The following MYH7 variants were observed in gnomAD, a reference collection of about 807,000 sequenced individuals.
MYH7 encodes the protein myosin heavy chain 7.
Under a neutral mutation model 225.4 loss-of-function variants are expected in MYH7, and 129 were observed. The observed-to-expected ratio is 0.57, with a 90% confidence interval of 0.50 to 0.66. MYH7 has a LOEUF of 0.66. Ranked by LOEUF, MYH7 falls within the 30% of genes least tolerant of loss-of-function variation. The pLI is 0.00. For missense variants in MYH7, 1,649 were observed against 2,517.0 expected, an observed-to-expected ratio of 0.66 and a Z score of 7.38; for synonymous variants, 971 against 1,007.6, an observed-to-expected ratio of 0.96 and a Z score of 0.69.
intron 39 of MYH7, 116 bp downstream of exon 39, chr14:23,413,643 G>A: frequency 7.0e-7 from 1 of 1,421,744 alleles, no homozygotes. Context: ...GGCCTCTGGG[G>A]CCATGTGGCT....
chr14:23,416,829 C>A, intron 33 of MYH7, 39 bp downstream of exon 33: 1 of 1,613,644 alleles, frequency 6.2e-7, no homozygotes, highest in Non-Finnish European at 8.5e-7. Context: ...AAGCCTGGAG[C>A]TCAGCTCCCT....
chr14:23,420,255 C>A, intron 26 of MYH7, 21 bp from the exon 27 acceptor site: 2 of 1,608,130 alleles, frequency 1.2e-6, no homozygotes, highest in Non-Finnish European at 1.7e-6. Flanking sequence ...ACAAAGGGCT[C>A]AGACCCACCG....
At chr14:23,422,903 A>T (rs547708263) in intron 24 of MYH7, among the ~76,000 whole-genome samples, 1 of 152,198 alleles carries the variant, frequency 6.6e-6, no homozygotes, top group Non-Finnish European at 1.5e-5. Flanking sequence ...TGCTGGGATT[A>T]CAGGTGTGAG....
intron 12 of MYH7, 101 bp from the exon 13 acceptor site, chr14:23,429,448 G>T: frequency 8.3e-7 from 1 of 1,204,162 alleles, no homozygotes; most frequent in Non-Finnish European, 1.2e-6. Flanking sequence ...GGCCAAGGCA[G>T]GCGGATCACT....
intron 17 of MYH7, 69 bp from the exon 18 acceptor site, chr14:23,426,933 G>A: frequency 7.3e-7 from 1 of 1,378,486 alleles, no homozygotes; most frequent in Non-Finnish European, 1.0e-6. Context: ...GAAGAGAGGA[G>A]AAGAAGGAAG....
chr14:23,429,540 G>A (rs1892840326), intron 12 of MYH7, among the ~76,000 whole-genome samples, 193 bp from the exon 13 acceptor site: 1 of 152,124 alleles, frequency 6.6e-6, no homozygotes, highest in Admixed American at 6.5e-5. Context: ...GCCAGGCATG[G>A]TGGTGCATGC....
At position 23,418,375 on chromosome 14, in the gene MYH7, G is replaced by A. The variant is rs397516199; in HGVS notation, c.4004C>T (p.Ser1335Leu). ...CAGCAGGTCGCAGTCATGCCGGGCC[G>A]ACTGCAGTGCGTGGGCCAGGGCGTT... is the stretch of plus-strand genomic sequence containing the variant. Reference protein sequence around the residue: ...AKNALAHALQSARHDCDLLRE... With the variant: ...AKNALAHALQLARHDCDLLRE... The change falls in exon 30 of 40, where the codon TCG (serine) becomes TTG (leucine). Residue 1335 changes from serine to leucine, a missense_variant. This residue lies in a region of MYH7 where 687 missense variants were observed against 913.8 expected (regional missense o/e 0.75). Transcript: ENST00000355349. 100 of 1,613,036 alleles carry A rather than the reference G, an allele frequency of 6.2e-5. No homozygotes were observed. Among genetic ancestry groups the A allele is most frequent in the Non-Finnish European group, 8.1e-5 (95 of 1,179,362 alleles).
At position 23,418,313 on chromosome 14, in the gene MYH7, C is replaced by T. The variant is rs727503246; in HGVS notation, c.4066G>A (p.Glu1356Lys). The change falls in exon 30 of 40, where the codon GAG (glutamate) becomes AAG (lysine). Residue 1356 changes from glutamate to lysine, a missense_variant. Around this residue, in one of 12 missense-constraint regions of MYH7, gnomAD observed 687 missense variants for 913.8 expected, o/e 0.75. Coordinates refer to ENST00000355349, the MANE Select transcript of MYH7 (RefSeq NM_000257.4). ...GCCTTGGAAAGGACGCGCTGCAGCT[C>T]GGCCTTGGCCTCCGTCTCCTCCTCG... ...QYEEETEAKAELQRVLSKANS... is the reference protein window; with the variant it reads ...QYEEETEAKAKLQRVLSKANS... 2.5e-6 allele frequency: 4 copies of T among 1,613,578 alleles called. No homozygotes were observed. The highest frequency in any genetic ancestry group is 3.4e-6 in the Non-Finnish European group (4 of 1,180,048).
intron 29 of MYH7, 84 bp downstream of exon 29, chr14:23,419,093 T>G: frequency 8.2e-7 from 1 of 1,222,102 alleles, no homozygotes; most frequent in South Asian, 1.2e-5. Flanking sequence ...CAGCCAGCCT[T>G]ATTGCTGGGA....
chr14:23,420,950 G>C lies in MYH7; in HGVS notation c.3336+8C>G. 5 of 1,611,356 alleles carry C rather than the reference G, an allele frequency of 3.1e-6. No individual in the cohort carries two copies. The highest frequency in any genetic ancestry group is 4.2e-6 in the Non-Finnish European group (5 of 1,179,236). Reference sequence around the variant, plus strand: ...ACTCAGCATCCCGCGTGGGTGTCCAGACCTCACCTGAAGCTCCTTGAGCTT... The same window carrying C: ...ACTCAGCATCCCGCGTGGGTGTCCACACCTCACCTGAAGCTCCTTGAGCTT... On this transcript the variant is annotated splice_region_variant and intron_variant, in intron 26 of 39. Coordinates refer to ENST00000355349, the MANE Select transcript of MYH7 (RefSeq NM_000257.4).
intron 25 of MYH7, chr14:23,421,628 T>C (rs1892476360): frequency 2.5e-5 from 12 of 476,884 alleles, no homozygotes; most frequent in Non-Finnish European, 3.3e-5. Flanking sequence ...TGAAACACCA[T>C]AAGACCTTCA....
In MYH7 at chr14:23,417,137, T is replaced by C. The variant is rs1239779665; in HGVS notation, c.4519+16A>G. Reference sequence around the variant, plus strand: ...CCAGTGCAGCCCCTCCCCAGCCTCTTGGGCCCCCAGCACACCCTGCAGGTT... The same window carrying C: ...CCAGTGCAGCCCCTCCCCAGCCTCTCGGGCCCCCAGCACACCCTGCAGGTT... On this transcript the variant is annotated intron_variant, in intron 32 of 39. Transcript: ENST00000355349. 1.2e-6 allele frequency: 2 copies of C among 1,614,118 alleles called. No individual in the cohort carries two copies. Among genetic ancestry groups the C allele is most frequent in the Admixed American group, 1.7e-5 (1 of 60,016 alleles).
At chr14:23,417,064 G>T in intron 32 of MYH7, 72 bp from the exon 33 acceptor site, 1 of 1,614,002 alleles carries the variant, frequency 6.2e-7, no homozygotes, top group Non-Finnish European at 8.5e-7. Flanking sequence ...ACGCCTCTTT[G>T]CCCAGACGCC....
intron 18 of MYH7, 51 bp downstream of exon 18, chr14:23,426,726 C>A (rs1224170590): frequency 6.5e-7 from 1 of 1,535,824 alleles, no homozygotes; most frequent in Non-Finnish European, 9.0e-7. Context: ...AGGTCCTGTT[C>A]CCAGGGCGGT....
At position 23,425,506 on chromosome 14, in the gene MYH7, A is replaced by G. The variant is rs1490051483; in HGVS notation, c.2287-88T>C. 5.6e-6 allele frequency: 9 copies of G among 1,604,262 alleles called. No homozygotes were observed. The highest frequency in any genetic ancestry group is 5.5e-5 in the South Asian group (5 of 90,510). ...ATTACCTTAGGAAGGGTAACAGCCT[A>G]GAAAAGGATTGCAGGGAGGAGGTCA... On this transcript the variant is annotated intron_variant, in intron 20 of 39. Coordinates refer to ENST00000355349, the MANE Select transcript of MYH7 (RefSeq NM_000257.4). The surrounding 1 kb of genome is among the most constrained non-coding windows in gnomAD (Gnocchi z 4.6).
chr14:23,414,585 T>C (rs1892107410), intron 37 of MYH7, among the ~76,000 whole-genome samples: 1 of 152,222 alleles, frequency 6.6e-6, no homozygotes, highest in Admixed American at 6.5e-5. Flanking sequence ...AGTCTGATTC[T>C]AGAAAACACC....
Position 23,417,695 on chromosome 14 carries a change from G to T in MYH7, c.4170-9C>A, listed in dbSNP as rs1261092666. Reference sequence around the variant, plus strand: ...GCTGGGCCAGCTTCTTCCTGCCCAGGGGAGGGTGGCAGAGGGTGGGGAGGA... The same window carrying T: ...GCTGGGCCAGCTTCTTCCTGCCCAGTGGAGGGTGGCAGAGGGTGGGGAGGA... On this transcript the variant is annotated splice_polypyrimidine_tract_variant and intron_variant, in intron 30 of 39. Transcript: ENST00000355349. 1.2e-6 allele frequency: 2 copies of T among 1,612,374 alleles called. No individual in the cohort carries two copies. Among genetic ancestry groups the T allele is most frequent in the African/African-American group, 2.7e-5 (2 of 74,908 alleles).
In MYH7 at chr14:23,423,975, T is replaced by G. The variant is rs529099974; in HGVS notation, c.2854A>C (p.Arg952=). Residue 952 remains arginine (R), a synonymous_variant, in exon 23 of 40, where the codon AGG becomes CGG. Transcript: ENST00000355349. Reference sequence around the variant, plus strand: ...GTCAGCTCCAGATCATCGATGTCCCTTTTGAGCTCTGAGCACTCATCTTCC... The same window carrying G: ...GTCAGCTCCAGATCATCGATGTCCCGTTTGAGCTCTGAGCACTCATCTTCC... ...KLEDECSELK[R]DIDDLELTLA... is the part of the protein sequence containing the mutation. 6 of 1,614,238 alleles carry G rather than the reference T, an allele frequency of 3.7e-6. No homozygotes were observed. The Admixed American group carries it at 5.0e-5, about 13-fold the overall frequency.
In MYH7 at chr14:23,412,747, C is replaced by T; in HGVS notation, c.*107G>A. ...GAGTCTGGAGTCAGGATCTCGGCTT[C>T]AAGGAAAATTGCTTTATTCTGCTTC... is the stretch of plus-strand genomic sequence containing the variant. On this transcript the variant is annotated 3_prime_UTR_variant, in exon 40 of 40. Coordinates refer to ENST00000355349, the MANE Select transcript of MYH7 (RefSeq NM_000257.4). 1.5e-6 allele frequency: 2 copies of T among 1,378,226 alleles called. No individual in the cohort carries two copies. Among genetic ancestry groups the T allele is most frequent in the Admixed American group, 1.7e-5 (1 of 58,264 alleles). 85.4% of individuals were successfully genotyped at this position (1,378,226 alleles called of 1,614,324 possible). A position where few individuals can be genotyped will look rare whatever the true frequency, so the allele number is the denominator to read the frequency against.
Sources: allele counts gnomAD v4.1 joint callset (sites outside exome capture counted in the v4.1 genomes callset), GRCh38; gene constraint gnomAD v4.1.1; regional missense constraint gnomAD v4.1.1; non-coding constraint Gnocchi (gnomAD v3.1); transcripts MANE v1.5; gene names NCBI Gene and HGNC (gene_info 2026-07-23, HGNC 2026-07-21).